The following THSD7B variants were observed in gnomAD, a reference collection of about 807,000 sequenced individuals.
The protein encoded by THSD7B is thrombospondin type-1 domain-containing protein 7B.
In THSD7B, 138 loss-of-function variants were observed where a neutral mutation model predicts 213.6. The ratio of observed to expected loss-of-function variants is 0.65; its 90% CI spans 0.56 to 0.74. THSD7B has a LOEUF of 0.74. Ranked by LOEUF, THSD7B falls within the 30% of genes least tolerant of loss-of-function variation. The pLI, the probability that THSD7B is intolerant of heterozygous loss-of-function variation, is 0.00. For synonymous variants in THSD7B, 742 were observed against 687.0 expected (o/e 1.08, Z -1.25); for missense variants, 1,931 against 1,991.5 (o/e 0.97, Z 0.58).
intron 2 of THSD7B, among the ~76,000 whole-genome samples, chr2:136,923,938 A>C (rs1413008314): frequency 6.6e-6 from 1 of 152,134 alleles, no homozygotes; most frequent in Non-Finnish European, 1.5e-5. Flanking sequence ...CCTTTGAAAC[A>C]TGGAAGTCTT....
chr2:137,109,129 C>T (rs535377418), intron 4 of THSD7B, among the ~76,000 whole-genome samples: 21 of 152,176 alleles, frequency 1.4e-4, no homozygotes, highest in Non-Finnish European at 2.6e-4. Flanking sequence ...AACCCACCAT[C>T]CTTTCTCCTA....
chr2:137,668,912 A>C (rs1383618647), intron 27 of THSD7B, among the ~76,000 whole-genome samples: 1 of 152,152 alleles, frequency 6.6e-6, no homozygotes, highest in East Asian at 1.9e-4. Context: ...AGGAGGAAGA[A>C]AGGGCTGTTT....
At chr2:137,101,810 A>T (rs1191571370) in intron 4 of THSD7B, among the ~76,000 whole-genome samples, 1 of 152,200 alleles carries the variant, frequency 6.6e-6, no homozygotes, top group Non-Finnish European at 1.5e-5. Flanking sequence ...ACCGCGCCAC[A>T]AAGCTGCTGT....
intron 14 of THSD7B, among the ~76,000 whole-genome samples, chr2:137,424,613 G>C (rs1412306369): frequency 2.6e-5 from 4 of 152,090 alleles, no homozygotes; most frequent in Non-Finnish European, 4.4e-5. Context: ...CACATTAACA[G>C]AATGAAGGAC....
intron 15 of THSD7B, chr2:137,538,469 T>C (rs1257369739): frequency 1.9e-6 from 1 of 517,246 alleles, no homozygotes; most frequent in Non-Finnish European, 3.9e-6. Flanking sequence ...CATGCACTGC[T>C]AACATGGACT....
chr2:137,519,457 G>T (rs1203221762), intron 15 of THSD7B, among the ~76,000 whole-genome samples: 1 of 152,122 alleles, frequency 6.6e-6, no homozygotes, highest in Non-Finnish European at 1.5e-5. Flanking sequence ...ACTGCTAACT[G>T]CTGATTCTAA....
chr2:137,055,418 T>A (rs1687146003), intron 2 of THSD7B, among the ~76,000 whole-genome samples: 1 of 152,202 alleles, frequency 6.6e-6, no homozygotes, highest in Admixed American at 6.5e-5. Flanking sequence ...AGGTTCAGAT[T>A]ACATATTTAA....
At chr2:137,315,514 A>G (rs10427225) in intron 12 of THSD7B, among the ~76,000 whole-genome samples, 8,441 of 152,128 alleles carry the variant, frequency 0.055, 318 homozygotes, top group East Asian at 0.099. Flanking sequence ...GTTCCTATTC[A>G]GCCATCTTGG....
rs138835827 is a variant in THSD7B, at chr2:137,202,888, G to A, written c.1724-28156G>A. ...ACAGATGATAGATAGATAACAAACAGGTGATAGTTGGATAGATAACAGATG... is the reference window on the plus strand; with the variant it reads ...ACAGATGATAGATAGATAACAAACAAGTGATAGTTGGATAGATAACAGATG... On this transcript the variant is annotated intron_variant, in intron 7 of 27. Coordinates refer to ENST00000409968, the MANE Select transcript of THSD7B (RefSeq NM_001316349.2). Among the ~76,000 whole-genome samples the A allele has an allele frequency of 1.8e-3, 269 of 152,216 alleles. 2 individuals carry two copies. The East Asian group carries it at 0.028, about 16-fold the overall frequency.
At chr2:137,628,859 T>C (rs992714110) in intron 20 of THSD7B, among the ~76,000 whole-genome samples, 13 of 152,318 alleles carry the variant, frequency 8.5e-5, no homozygotes, top group Middle Eastern at 3.4e-3. Context: ...CTCTGTCAGT[T>C]CCAACATACT....
chr2:136,960,426 A>G (rs1184978247), intron 2 of THSD7B, among the ~76,000 whole-genome samples: 1 of 152,122 alleles, frequency 6.6e-6, no homozygotes, highest in Non-Finnish European at 1.5e-5. Context: ...GGTATGAGCC[A>G]CTGTGCTTGG....
At chr2:136,900,929 A>AC (rs907272499) in intron 2 of THSD7B, among the ~76,000 whole-genome samples, 3 of 152,012 alleles carry the variant, frequency 2.0e-5, no homozygotes, top group African/African-American at 7.2e-5. Flanking sequence ...AAATGTATCT[A>AC]CCCCCCATGC....
At chr2:136,768,849 C>T (rs1681455329) in intron 1 of THSD7B, among the ~76,000 whole-genome samples, 1 of 152,208 alleles carries the variant, frequency 6.6e-6, no homozygotes, top group Non-Finnish European at 1.5e-5. Context: ...TTAACTTTAA[C>T]ACCAGGCAGC....
chr2:137,398,594 G>C (rs546236701), intron 12 of THSD7B, among the ~76,000 whole-genome samples: 4 of 151,946 alleles, frequency 2.6e-5, no homozygotes, highest in African/African-American at 9.6e-5. Flanking sequence ...ATTTAAGTCT[G>C]CAGAGGTTAC....
chr2:137,432,761 T>C (rs147620483), intron 14 of THSD7B, among the ~76,000 whole-genome samples: 1 of 152,330 alleles, frequency 6.6e-6, no homozygotes, highest in Non-Finnish European at 1.5e-5. Flanking sequence ...TGATGTCTTT[T>C]TCTTTTTAAG....
intron 17 of THSD7B, among the ~76,000 whole-genome samples, chr2:137,573,045 A>C (rs1459712912): frequency 6.7e-6 from 1 of 149,130 alleles, no homozygotes; most frequent in African/African-American, 2.5e-5. Context: ...ACTTCTTCCA[A>C]AGCTAACAAA....
At chr2:136,916,837 A>G (rs1684357952) in intron 2 of THSD7B, among the ~76,000 whole-genome samples, 1 of 152,292 alleles carries the variant, frequency 6.6e-6, no homozygotes, top group Admixed American at 6.5e-5. Flanking sequence ...TACAGTGGAA[A>G]AGGACCCAAA....
intron 15 of THSD7B, among the ~76,000 whole-genome samples, chr2:137,486,450 A>G (rs1441857826): frequency 6.6e-6 from 1 of 151,564 alleles, no homozygotes; most frequent in African/African-American, 2.4e-5. Flanking sequence ...TAACTATCCT[A>G]AATATATATG....
At chr2:137,558,629 A>G (rs1681038259) in intron 15 of THSD7B, among the ~76,000 whole-genome samples, 1 of 152,190 alleles carries the variant, frequency 6.6e-6, no homozygotes, top group Non-Finnish European at 1.5e-5. Flanking sequence ...CAAAAACTGG[A>G]AGCATTCCCT....
Sources: allele counts gnomAD v4.1 joint callset (sites outside exome capture counted in the v4.1 genomes callset), GRCh38; gene constraint gnomAD v4.1.1; transcripts MANE v1.5; gene names NCBI Gene and HGNC (gene_info 2026-07-23, HGNC 2026-07-21).